Variants in MSH3 observed in about 807,000 individuals in gnomAD.
MSH3 encodes the protein DNA mismatch repair protein Msh3.
MSH3 carries 106 observed loss-of-function variants against 123.3 expected under a neutral mutation model. That is an observed-to-expected ratio of 0.86 (90% CI 0.73 to 1.01). MSH3 has a LOEUF of 1.01. Ranked by LOEUF, MSH3 falls within the 50% of genes least tolerant of loss-of-function variation. The pLI, the probability that MSH3 is intolerant of heterozygous loss-of-function variation, is 0.00. For missense variants in MSH3, 1,459 were observed against 1,347.6 expected (o/e 1.08, Z -1.29); for synonymous variants, 515 against 481.4 (o/e 1.07, Z -0.91).
chr5:80,692,676 T>TTATA (rs887256724), intron 8 of MSH3, among the ~76,000 whole-genome samples: 10 of 141,212 alleles, frequency 7.1e-5, no homozygotes, highest in Non-Finnish European at 9.3e-5. Flanking sequence ...ATGTATATGT[T>TTATA]TATGTTTATA....
Position 80,744,564 on chromosome 5 carries a change from T to A in MSH3, c.1712T>A (p.Phe571Tyr). ...LWVLDHTKTS[F>Y]GRRKLKKWVT... ...GTTTTAGACCACACTAAAACTTCAT[T>A]TGGGAGACGGAAGTTAAAGAAGTGG... is the stretch of plus-strand genomic sequence containing the variant. The change falls in exon 12 of 24, where the codon TTT becomes TAT. Residue 571 changes from phenylalanine (F) to tyrosine (Y), a missense_variant. Physicochemically the swap from Phe to Tyr is conservative, Grantham distance 22 (BLOSUM62 3). Transcript: ENST00000265081. 6.2e-7 allele frequency: 1 copy of A among 1,613,962 alleles called. No individual in the cohort carries two copies. The highest frequency in any genetic ancestry group is 8.5e-7 in the Non-Finnish European group (1 of 1,179,940).
At chr5:80,754,748 C>T (rs773992668) in intron 12 of MSH3, among the ~76,000 whole-genome samples, 4 of 152,100 alleles carry the variant, frequency 2.6e-5, no homozygotes, top group Non-Finnish European at 4.4e-5. Flanking sequence ...TTCTGATGTA[C>T]TAAGTACATT....
chr5:80,831,299 C>G (rs1317340439), intron 20 of MSH3, among the ~76,000 whole-genome samples: 1 of 152,134 alleles, frequency 6.6e-6, no homozygotes, highest in African/African-American at 2.4e-5. Flanking sequence ...ACAAGTAATG[C>G]ATGTTCATTA....
chr5:80,750,671 T>A (rs1743817405), intron 12 of MSH3, among the ~76,000 whole-genome samples: 1 of 152,210 alleles, frequency 6.6e-6, no homozygotes, highest in Non-Finnish European at 1.5e-5. Context: ...TCCTAGTCCC[T>A]GGGTTGTCTG....
At chr5:80,830,753 C>A (rs1386752614) in intron 20 of MSH3, among the ~76,000 whole-genome samples, 1 of 152,200 alleles carries the variant, frequency 6.6e-6, no homozygotes, top group Non-Finnish European at 1.5e-5. Context: ...AAGTGTCCTA[C>A]ACATGCTTTA....
intron 17 of MSH3, among the ~76,000 whole-genome samples, chr5:80,785,280 T>A (rs1353905675): frequency 1.3e-5 from 2 of 152,202 alleles, no homozygotes; most frequent in African/African-American, 4.8e-5. Flanking sequence ...TACACTATTT[T>A]TTAAATGTAG....
Position 80,656,356 on chromosome 5 carries a change from G to A in MSH3, c.238-55G>A, listed in dbSNP as rs1025708566. ...GTAAGGTTTAAATTGCTTCACATACGTCAGGCCTTCTCAGAGTAGAGATAA... is the reference window on the plus strand; with the variant it reads ...GTAAGGTTTAAATTGCTTCACATACATCAGGCCTTCTCAGAGTAGAGATAA... On this transcript the variant is annotated intron_variant, in intron 1 of 23. Transcript: ENST00000265081. 7.7e-5 allele frequency: 124 copies of A among 1,609,800 alleles called. 1 individual carries two copies. The highest frequency in any genetic ancestry group is 1.8e-4 in the South Asian group (16 of 90,752).
intron 8 of MSH3, among the ~76,000 whole-genome samples, chr5:80,685,816 C>T (rs774033005): frequency 1.3e-5 from 2 of 151,904 alleles, no homozygotes; most frequent in African/African-American, 2.4e-5. Context: ...TTAGTACAGC[C>T]GTCACTGTAT....
At chr5:80,717,340 G>A (rs993618165) in intron 8 of MSH3, among the ~76,000 whole-genome samples, 10 of 152,100 alleles carry the variant, frequency 6.6e-5, no homozygotes, top group Non-Finnish European at 1.5e-4. Flanking sequence ...ATCATAGCTC[G>A]TTGCAGCCTG....
chr5:80,692,214 GTATATGTTTAGAT>G, intron 8 of MSH3, among the ~76,000 whole-genome samples: 4 of 85,492 alleles, frequency 4.7e-5, no homozygotes, highest in African/African-American at 1.8e-4. Flanking sequence ...AGATAAACAT[GTATATGTTTAGAT>G]AGATAAACAT....
intron 10 of MSH3, among the ~76,000 whole-genome samples, chr5:80,735,145 A>G (rs952503206): frequency 6.6e-6 from 1 of 152,090 alleles, no homozygotes; most frequent in African/African-American, 2.4e-5. Context: ...GCACTTTGGG[A>G]GGGTGAGGTG....
intron 10 of MSH3, among the ~76,000 whole-genome samples, chr5:80,735,334 A>G (rs906140673): frequency 2.7e-5 from 4 of 150,804 alleles, no homozygotes; most frequent in Admixed American, 6.6e-5. Flanking sequence ...CAGTGAGCCA[A>G]GATCATGCCA....
At chr5:80,658,667 C>T (rs960800927) in intron 2 of MSH3, among the ~76,000 whole-genome samples, 2 of 152,198 alleles carry the variant, frequency 1.3e-5, no homozygotes, top group East Asian at 1.9e-4. Context: ...GGTCATTGCT[C>T]ATGTAGCCTC....
In MSH3 at chr5:80,672,244, A is replaced by C; in HGVS notation, c.793A>C (p.Ile265Leu). 1 of 1,605,580 alleles carries C rather than the reference A, an allele frequency of 6.2e-7. No homozygotes were observed. Among genetic ancestry groups the C allele is most frequent in the Non-Finnish European group, 8.5e-7 (1 of 1,172,830 alleles). The part of the protein sequence containing the change: ...KYRFFGEDAE[I>L]AARELNIYCH... Reference sequence around the variant, plus strand: ...GATATTTTCTTTTTTCATTTTTTAGATTGCAGCCCGAGAGCTCAATATTTA... The same window carrying C: ...GATATTTTCTTTTTTCATTTTTTAGCTTGCAGCCCGAGAGCTCAATATTTA... Residue 265 changes from isoleucine (I) to leucine (L), a missense_variant and splice_region_variant, in exon 5 of 24, where the codon ATT becomes CTT. Ile to Leu is a conservative substitution (Grantham distance 5). Coordinates refer to ENST00000265081, the MANE Select transcript of MSH3 (RefSeq NM_002439.5).
intron 17 of MSH3, among the ~76,000 whole-genome samples, chr5:80,785,244 T>C (rs1053028120): frequency 6.6e-6 from 1 of 152,202 alleles, no homozygotes; most frequent in African/African-American, 2.4e-5. Context: ...GGATCATCTT[T>C]AAAAGGTCGT....
At chr5:80,860,179 T>C (rs982655787) in intron 21 of MSH3, among the ~76,000 whole-genome samples, 4 of 152,178 alleles carry the variant, frequency 2.6e-5, no homozygotes, top group Non-Finnish European at 5.9e-5. Context: ...CAAAATGTTA[T>C]GCTAGATCCA....
intron 11 of MSH3, among the ~76,000 whole-genome samples, chr5:80,741,784 A>T (rs2112867033): frequency 6.6e-6 from 1 of 152,162 alleles, no homozygotes; most frequent in East Asian, 1.9e-4. Flanking sequence ...GCTTATCCTG[A>T]CAATTTCTGT....
At chr5:80,682,799 A>T (rs1750000516) in intron 8 of MSH3, among the ~76,000 whole-genome samples, 3 of 152,174 alleles carry the variant, frequency 2.0e-5, no homozygotes, top group Admixed American at 2.0e-4. Flanking sequence ...ATTCTGTTGC[A>T]CTATCAAATG....
chr5:80,724,871 A>G (rs1417404990), intron 8 of MSH3, among the ~76,000 whole-genome samples: 1 of 152,166 alleles, frequency 6.6e-6, no homozygotes, highest in Non-Finnish European at 1.5e-5. Context: ...TTAAATAATG[A>G]TAGATATAAA....
Sources: gnomAD v4.1 joint callset for allele counts (sites outside exome capture counted in the v4.1 genomes callset) on GRCh38, gnomAD v4.1.1 for gene constraint, MANE v1.5 for transcripts, NCBI Gene and HGNC (gene_info 2026-07-23, HGNC 2026-07-21) for gene names.